The following DOCK2 variants were observed in gnomAD, a reference collection of about 807,000 sequenced individuals.
DOCK2 encodes dedicator of cytokinesis protein 2.
Under a neutral mutation model 248.9 loss-of-function variants are expected in DOCK2, and 87 were observed. The ratio of observed to expected loss-of-function variants is 0.35; its 90% confidence interval spans 0.29 to 0.42. The LOEUF is 0.42. DOCK2 is among the 10% of genes least tolerant of loss of function. The pLI is 1.00. For synonymous variants in DOCK2, 805 were observed against 821.6 expected (o/e 0.98, Z 0.35); for missense variants, 1,747 against 2,300.2 (o/e 0.76, Z 4.92).
At chr5:169,881,780 C>T (rs1373107316) in intron 27 of DOCK2, among the ~76,000 whole-genome samples, 2 of 152,162 alleles carry the variant, frequency 1.3e-5, no homozygotes, top group Admixed American at 6.5e-5. Flanking sequence ...CACAGTGTTT[C>T]TCTCCTATAC....
At chr5:169,686,526 A>T (rs574033368) in intron 8 of DOCK2, among the ~76,000 whole-genome samples, 2 of 152,184 alleles carry the variant, frequency 1.3e-5, no homozygotes, top group Non-Finnish European at 2.9e-5. Flanking sequence ...TTGTGAAAAG[A>T]GGAGAAAGCA....
At chr5:169,987,307 C>T (rs939093489) in intron 29 of DOCK2, among the ~76,000 whole-genome samples, 2 of 152,210 alleles carry the variant, frequency 1.3e-5, no homozygotes, top group African/African-American at 4.8e-5. Flanking sequence ...ATCCATGGAC[C>T]TCTGCGGCCA....
intron 25 of DOCK2, among the ~76,000 whole-genome samples, chr5:169,787,056 G>A (rs1766028623): frequency 6.6e-6 from 1 of 152,284 alleles, no homozygotes; most frequent in East Asian, 1.9e-4. Flanking sequence ...ACCAAGAGAG[G>A]TGCTGTTATT....
chr5:169,701,447 G>A (rs1760963678), intron 13 of DOCK2, among the ~76,000 whole-genome samples: 1 of 151,992 alleles, frequency 6.6e-6, no homozygotes, highest in Admixed American at 6.5e-5. Flanking sequence ...ATTTGTCCAT[G>A]CTTTACCTGA....
intron 27 of DOCK2, among the ~76,000 whole-genome samples, chr5:169,975,557 C>T (rs1407371980): frequency 2.6e-5 from 4 of 152,162 alleles, no homozygotes; most frequent in Non-Finnish European, 5.9e-5. Flanking sequence ...CATCCCACTT[C>T]GGGGCCTTTG....
At chr5:170,069,707 G>A (rs1757613708) in intron 46 of DOCK2, among the ~76,000 whole-genome samples, 1 of 152,122 alleles carries the variant, frequency 6.6e-6, no homozygotes, top group Non-Finnish European at 1.5e-5. Context: ...TGTGTGGGTG[G>A]TTGTGAGTCA....
intron 27 of DOCK2, among the ~76,000 whole-genome samples, chr5:169,972,459 T>C (rs1777538009): frequency 6.9e-6 from 1 of 144,568 alleles, no homozygotes; most frequent in Non-Finnish European, 1.5e-5. Context: ...TAGCAACCTC[T>C]CCATCACTTT....
chr5:169,988,975 T>C (rs75226062), intron 29 of DOCK2, among the ~76,000 whole-genome samples: 1,923 of 152,352 alleles, frequency 0.013, 42 homozygotes, highest in African/African-American at 0.045. Context: ...CCAACTTCAC[T>C]TGTCAGTATG....
chr5:170,027,628 C>G (rs1011654137), intron 33 of DOCK2, among the ~76,000 whole-genome samples: 4 of 152,192 alleles, frequency 2.6e-5, no homozygotes, highest in Non-Finnish European at 5.9e-5. Context: ...CGCGCTCTCT[C>G]GCACGTGCTC....
At chr5:169,699,036 A>G (rs1331684904) in intron 11 of DOCK2, among the ~76,000 whole-genome samples, 1 of 152,204 alleles carries the variant, frequency 6.6e-6, no homozygotes, top group Non-Finnish European at 1.5e-5. Context: ...GGTCCAGGTA[A>G]TGAGGCTAGT....
chr5:169,808,300 T>C (rs773904854), intron 26 of DOCK2, among the ~76,000 whole-genome samples: 11 of 152,072 alleles, frequency 7.2e-5, no homozygotes, highest in Admixed American at 2.0e-4. Flanking sequence ...AAGCTTCCAT[T>C]TGGGGGGCGC....
At chr5:169,869,498 C>T (rs761291390) in intron 27 of DOCK2, among the ~76,000 whole-genome samples, 15 of 152,080 alleles carry the variant, frequency 9.9e-5, no homozygotes, top group Non-Finnish European at 1.5e-4. Context: ...TTTATTCATC[C>T]GTTTGACACA....
chr5:169,823,111 A>G (rs141507544), intron 26 of DOCK2, among the ~76,000 whole-genome samples: 363 of 152,362 alleles, frequency 2.4e-3, no homozygotes, highest in African/African-American at 8.1e-3. Context: ...CAGGCTCTGA[A>G]ATTGAGGCAA....
intron 27 of DOCK2, among the ~76,000 whole-genome samples, chr5:169,921,486 A>G (rs1775172525): frequency 6.6e-6 from 1 of 152,246 alleles, no homozygotes; most frequent in Non-Finnish European, 1.5e-5. Context: ...TCCATGGAAC[A>G]CTAAGCACGT....
intron 19 of DOCK2, among the ~76,000 whole-genome samples, chr5:169,714,977 A>G (rs1761822376): frequency 6.6e-6 from 1 of 152,134 alleles, no homozygotes; most frequent in African/African-American, 2.4e-5. Context: ...ATATGTATAT[A>G]TACATATATA....
At chr5:169,929,506 G>A (rs945295795) in intron 27 of DOCK2, among the ~76,000 whole-genome samples, 5 of 152,080 alleles carry the variant, frequency 3.3e-5, no homozygotes, top group East Asian at 3.9e-4. Flanking sequence ...GAAGGCTGAG[G>A]GGGGAGGATT....
chr5:170,009,046 A>T (rs1755177797), intron 32 of DOCK2, among the ~76,000 whole-genome samples: 1 of 152,038 alleles, frequency 6.6e-6, no homozygotes, highest in South Asian at 2.1e-4. Context: ...ATGGGAACTC[A>T]CGTGCTCACA....
intron 36 of DOCK2, among the ~76,000 whole-genome samples, chr5:170,037,516 C>T (rs946528841): frequency 4.4e-5 from 6 of 136,300 alleles, no homozygotes; most frequent in South Asian, 2.3e-4. Flanking sequence ...GACAGAGTTT[C>T]GCTCTTGTTG....
At chr5:169,696,935 C>G (rs1258111081) in intron 10 of DOCK2, among the ~76,000 whole-genome samples, 1 of 151,890 alleles carries the variant, frequency 6.6e-6, no homozygotes, top group Non-Finnish European at 1.5e-5. Flanking sequence ...AGGACTCATA[C>G]CTGGTTAATT....
Sources: allele counts gnomAD v4.1 joint callset (sites outside exome capture counted in the v4.1 genomes callset), GRCh38; gene constraint gnomAD v4.1.1; transcripts MANE v1.5; gene names NCBI Gene and HGNC (gene_info 2026-07-23, HGNC 2026-07-21).